MLKL: variants seen among roughly 807,000 people sequenced by gnomAD.
MLKL encodes mixed lineage kinase domain-like protein.
A neutral mutation model predicts 56.5 loss-of-function variants in MLKL; 55 were observed. That is an observed-to-expected ratio of 0.97 (90% CI 0.78 to 1.22). The LOEUF is 1.22. Ranked by LOEUF, MLKL falls within the 50% of genes most tolerant of loss-of-function variation. The pLI, the probability that MLKL is intolerant of heterozygous loss-of-function variation, is 0.00. For missense variants in MLKL, 694 were observed against 573.9 expected, an observed-to-expected ratio of 1.21 and a Z score of -2.14; for synonymous variants, 251 against 208.3, an observed-to-expected ratio of 1.20 and a Z score of -1.76.
intron 4 of MLKL, among the ~76,000 whole-genome samples, chr16:74,688,598 C>G (rs1033542067): frequency 2.0e-5 from 3 of 151,976 alleles, no homozygotes; most frequent in Non-Finnish European, 2.9e-5. Context: ...CCTGTAGTTC[C>G]AGCTACTCGG....
intron 2 of MLKL, 104 bp downstream of exon 2, chr16:74,695,194 A>G (rs771088555): frequency 1.8e-5 from 23 of 1,259,232 alleles, no homozygotes; most frequent in Non-Finnish European, 2.2e-5. Context: ...GTACAAGTAT[A>G]TTACAACTGC....
Position 74,695,510 on chromosome 16 carries a change from G to C in MLKL, c.248C>G (p.Ser83Cys), listed in dbSNP as rs751964122. ...TGCTGTTAGAAACCTGCAGATATTG[G>C]ATCTATTGCTGAACTTTTCTATCTC... The part of the protein sequence containing the change: ...NGEIEKFSNR[S>C]NICRFLTASQ... The change falls in exon 2 of 11, where the codon TCC (serine) becomes TGC (cysteine). Residue 83 changes from serine to cysteine, a missense_variant. By Grantham distance (112) the Ser-to-Cys change is moderately radical. Coordinates refer to ENST00000308807, the MANE Select transcript of MLKL (RefSeq NM_152649.4). 104 of 1,614,040 alleles carry C rather than the reference G, an allele frequency of 6.4e-5. No homozygotes were observed. The highest frequency in any genetic ancestry group is 8.5e-5 in the Non-Finnish European group (100 of 1,180,046).
In MLKL at chr16:74,691,458, G is replaced by C. The variant is rs1483132599; in HGVS notation, c.541C>G (p.Pro181Ala). Reference protein sequence around the residue: ...EIKETLRQYLPPKCMQEIPQE... With the variant: ...EIKETLRQYLAPKCMQEIPQE... ...GGGATCTCCTGCATGCATTTTGGTG[G>C]TAAATCTGACCTCACCCCCGAGAGG... The change falls in exon 4 of 11, where the codon CCA becomes GCA. Residue 181 changes from proline to alanine, a missense_variant. Transcript: ENST00000308807. 2 of 1,612,360 alleles carry C rather than the reference G, an allele frequency of 1.2e-6. No homozygotes were observed. The highest frequency in any genetic ancestry group is 1.7e-6 in the Non-Finnish European group (2 of 1,179,670).
Position 74,695,536 on chromosome 16 carries a change from C to G in MLKL, c.222G>C (p.Gly74=), listed in dbSNP as rs754191507. The change falls in exon 2 of 11, where the codon GGG becomes GGC. Residue 74 remains glycine, a synonymous_variant. Coordinates refer to ENST00000308807, the MANE Select transcript of MLKL (RefSeq NM_152649.4). ...ATCTATTGCTGAACTTTTCTATCTC[C>G]CCATTAGCCTCCTCCAGGGCAGCCT... ...RFKAALEEAN[G]EIEKFSNRSN... 1.9e-6 allele frequency: 3 copies of G among 1,614,166 alleles called. No homozygotes were observed. The highest frequency in any genetic ancestry group is 1.6e-4 in the Middle Eastern group (1 of 6,062).
intron 7 of MLKL, among the ~76,000 whole-genome samples, 187 bp downstream of exon 7, chr16:74,678,712 A>T (rs1959758243): frequency 6.6e-6 from 1 of 152,154 alleles, no homozygotes; most frequent in East Asian, 1.9e-4. Context: ...GAACCTGGGA[A>T]GCAGAGGTTG....
chr16:74,679,137 C>T (rs1377063622), intron 6 of MLKL, among the ~76,000 whole-genome samples, 157 bp from the exon 7 acceptor site: 2 of 152,162 alleles, frequency 1.3e-5, no homozygotes, highest in African/African-American at 2.4e-5. Context: ...GTTTGAGAAT[C>T]ACAAGCCGTG....
At chr16:74,687,748 A>G (rs1274528581) in intron 4 of MLKL, among the ~76,000 whole-genome samples, 1 of 152,092 alleles carries the variant, frequency 6.6e-6, no homozygotes, top group Non-Finnish European at 1.5e-5. Context: ...TGCTCACTGC[A>G]ATACCTGCCT....
At chr16:74,685,273 G>A (rs1206419072) in intron 5 of MLKL, among the ~76,000 whole-genome samples, 1 of 151,996 alleles carries the variant, frequency 6.6e-6, no homozygotes, top group East Asian at 1.9e-4. Flanking sequence ...GGCCATGTTA[G>A]TGCAAACCAC....
At chr16:74,692,689 A>G (rs1259789921) in intron 2 of MLKL, among the ~76,000 whole-genome samples, 1 of 152,254 alleles carries the variant, frequency 6.6e-6, no homozygotes, top group African/African-American at 2.4e-5. Context: ...ACTCTGCATA[A>G]GGTTCCAACC....
At chr16:74,678,819 C>G (rs532728017) in intron 7 of MLKL, 80 bp downstream of exon 7, 1 of 982,868 alleles carries the variant, frequency 1.0e-6, no homozygotes, top group Non-Finnish European at 1.6e-6. Context: ...AAGAATCAAG[C>G]CTTTCTGAGA....
In MLKL at chr16:74,673,279, G is replaced by A. The variant is rs371771856; in HGVS notation, c.1382-741C>T. On this transcript the variant is annotated intron_variant, in intron 10 of 10. Coordinates refer to ENST00000308807, the MANE Select transcript of MLKL (RefSeq NM_152649.4). ...GTCACCCAGGCTGGAGTACAGTGGCGCGATCTTGGCTCACTGCAACCTTTG... is the reference window on the plus strand; with the variant it reads ...GTCACCCAGGCTGGAGTACAGTGGCACGATCTTGGCTCACTGCAACCTTTG... 1.2e-3 allele frequency among the ~76,000 whole-genome samples: 181 copies of A among 152,184 alleles called. 1 individual carries two copies. Among genetic ancestry groups the A allele is most frequent in the African/African-American group, 4.3e-3 (177 of 41,512 alleles).
At chr16:74,691,680 G>A (rs1960691600) in intron 3 of MLKL, among the ~76,000 whole-genome samples, 1 of 152,144 alleles carries the variant, frequency 6.6e-6, no homozygotes, top group East Asian at 1.9e-4. Context: ...AACAGAATGT[G>A]TCATCCACTT....
intron 2 of MLKL, among the ~76,000 whole-genome samples, chr16:74,694,101 T>G (rs771895110): frequency 1.3e-4 from 20 of 152,104 alleles, no homozygotes; most frequent in Non-Finnish European, 2.2e-4. Flanking sequence ...TTAAGATTAT[T>G]TAATGAGAAA....
rs1960962302 is a variant in MLKL at position 74,695,346 on chromosome 16, G to A, written c.412C>T (p.Gln138Ter). 1 of 1,614,056 alleles carries A rather than the reference G, an allele frequency of 6.2e-7. No homozygotes were observed. The highest frequency in any genetic ancestry group is 1.7e-5 in the Admixed American group (1 of 60,000). ...CGCCTGTCTTCGTCTGCATCCTGCT[G>A]ATCTTCCTGTGCCCAGGACGCTCCT... ...SQGASWAQED[Q>*]QDADEDRRAF... The change falls in exon 2 of 11, where the codon CAG becomes TAG. Residue 138 changes from glutamine (Q) to a stop codon, truncating the protein, a stop_gained. Coordinates refer to ENST00000308807, the MANE Select transcript of MLKL (RefSeq NM_152649.4). LOFTEE classifies it high-confidence loss of function.
chr16:74,692,188 T>C (rs1960717233), intron 3 of MLKL, among the ~76,000 whole-genome samples, 154 bp downstream of exon 3: 1 of 152,186 alleles, frequency 6.6e-6, no homozygotes, highest in Non-Finnish European at 1.5e-5. Context: ...AAGCCTGGGC[T>C]AGCCATGAAT....
intron 9 of MLKL, 101 bp from the exon 10 acceptor site, chr16:74,675,201 AAAC>A: frequency 6.4e-7 from 1 of 1,558,244 alleles, no homozygotes; most frequent in Non-Finnish European, 8.7e-7. Flanking sequence ...CTGAGTATGG[AAAC>A]AACAAGAACT....
chr16:74,676,451 A>G (rs1447212056), intron 7 of MLKL: 5 of 985,344 alleles, frequency 5.1e-6, no homozygotes, highest in Non-Finnish European at 4.8e-6. Context: ...GAAAAGGGAT[A>G]AGGCACTTAG....
chr16:74,672,324 T>A lies in MLKL; in HGVS notation c.*180A>T. 1 of 544,264 alleles carries A rather than the reference T, an allele frequency of 1.8e-6. No individual in the cohort carries two copies. The highest frequency in any genetic ancestry group is 3.3e-6 in the Non-Finnish European group (1 of 300,142). 33.7% of individuals were successfully genotyped at this position (544,264 alleles called of 1,614,324 possible). On this transcript the variant is annotated 3_prime_UTR_variant, in exon 11 of 11. Coordinates refer to ENST00000308807, the MANE Select transcript of MLKL (RefSeq NM_152649.4). ...TGTCAGAGGTATGTTTTTGGAAATA[T>A]CATTTGGAGTGGGATGTGTCCTGTA... is the stretch of plus-strand genomic sequence containing the variant.
At chr16:74,683,334 G>A (rs1046748425) in intron 5 of MLKL, among the ~76,000 whole-genome samples, 1 of 149,396 alleles carries the variant, frequency 6.7e-6, no homozygotes, top group African/African-American at 2.5e-5. Context: ...GGTGACTCAC[G>A]CCTGTAATCC....
Sources: allele counts gnomAD v4.1 joint callset (sites outside exome capture counted in the v4.1 genomes callset), GRCh38; gene constraint gnomAD v4.1.1; transcripts MANE v1.5; gene names NCBI Gene and HGNC (gene_info 2026-07-23, HGNC 2026-07-21).